ZBTB44: variants seen among roughly 807,000 people sequenced by gnomAD.
ZBTB44 encodes the protein zinc finger and BTB domain-containing protein 44.
ZBTB44 carries 15 observed loss-of-function variants against 54.0 expected under a neutral mutation model. The observed-to-expected ratio is 0.28, with a 90% CI of 0.19 to 0.43. ZBTB44 has a LOEUF of 0.43. Ranked by LOEUF, ZBTB44 falls within the 20% of genes least tolerant of loss-of-function variation. The probability of loss-of-function intolerance (pLI) is 1.00; values close to 1 mark genes in which losing one functional copy is unlikely to be tolerated. For missense variants in ZBTB44, 487 were observed against 707.1 expected, an observed-to-expected ratio of 0.69 and a Z score of 3.53; for synonymous variants, 230 against 250.1, an observed-to-expected ratio of 0.92 and a Z score of 0.76.
chr11:130,257,460 C>G (rs568399225), intron 2 of ZBTB44, among the ~76,000 whole-genome samples: 2 of 152,000 alleles, frequency 1.3e-5, no homozygotes, highest in Non-Finnish European at 2.9e-5. Context: ...TGAAGACGAA[C>G]GCATATACTA....
intron 1 of ZBTB44, among the ~76,000 whole-genome samples, chr11:130,293,797 AAAACAAAC>A (rs575941518): frequency 5.9e-5 from 9 of 152,204 alleles, no homozygotes; most frequent in African/African-American, 1.9e-4. Context: ...ATTCCATCTC[AAAACAAAC>A]AAACAAACAA....
At chr11:130,281,516 AAAATAAAT>A (rs58860118) in intron 1 of ZBTB44, among the ~76,000 whole-genome samples, 5,645 of 138,794 alleles carry the variant, frequency 0.041, 133 homozygotes, top group Middle Eastern at 0.062. Context: ...ACCCTGTCTC[AAAATAAAT>A]AAATAAATAA....
At chr11:130,245,170 C>G (rs1167415753) in intron 2 of ZBTB44, among the ~76,000 whole-genome samples, 1 of 152,140 alleles carries the variant, frequency 6.6e-6, no homozygotes, top group Non-Finnish European at 1.5e-5. Flanking sequence ...CCATTCCATC[C>G]CTTCTGGTGT....
At chr11:130,236,484 T>C (rs1954117389) in intron 5 of ZBTB44, 1 of 257,860 alleles carries the variant, frequency 3.9e-6, no homozygotes, top group Non-Finnish European at 7.1e-6. Flanking sequence ...CAGTAAGATC[T>C]ATTTAAGGTC....
chr11:130,312,013 C>A (rs1367187899), intron 1 of ZBTB44, among the ~76,000 whole-genome samples: 1 of 152,154 alleles, frequency 6.6e-6, no homozygotes, highest in Non-Finnish European at 1.5e-5. Context: ...GTATCATTCA[C>A]CCCTGCCCCA....
rs1938926373 is a variant in ZBTB44, at chr11:130,262,339, A to G, written c.-56-410T>C. On this transcript the variant is annotated intron_variant, in intron 1 of 7. Transcript: ENST00000357899. ...ATTTTTGTAGAGATGGGGTTTCACC[A>G]TGTTGGCCAGGCTGGTCTTGAACTC... 2.0e-5 allele frequency among the ~76,000 whole-genome samples: 3 copies of G among 152,062 alleles called. No homozygotes were observed. In the South Asian group the frequency reaches 6.2e-4, roughly 31 times the overall value.
chr11:130,255,732 C>T (rs768938969), intron 2 of ZBTB44, among the ~76,000 whole-genome samples: 19 of 152,056 alleles, frequency 1.2e-4, no homozygotes, highest in Non-Finnish European at 2.6e-4. Flanking sequence ...ATTGATCCCA[C>T]AGAAATACAA....
At position 130,296,186 on chromosome 11, in the gene ZBTB44, A is replaced by G. The variant is rs1941630753; in HGVS notation, c.-57+18189T>C. 2.3e-6 allele frequency: 3 copies of G among 1,332,100 alleles called. No homozygotes were observed. In the East Asian group the frequency reaches 6.9e-5, roughly 31 times the overall value. 82.5% of individuals were successfully genotyped at this position (1,332,100 alleles called of 1,614,324 possible). ...TTGAAGGTTGGCAAGGATTTCTCTG[A>G]AAAAAGGAGCCATTGTATGTTAGTG... On this transcript the variant is annotated intron_variant, in intron 1 of 7. Transcript: ENST00000357899.
At chr11:130,279,520 T>C (rs759685956) in intron 1 of ZBTB44, among the ~76,000 whole-genome samples, 128 of 152,036 alleles carry the variant, frequency 8.4e-4, no homozygotes, top group Non-Finnish European at 1.3e-3. Context: ...TTAGCTGGGC[T>C]TGGTGGCATG....
intron 1 of ZBTB44, among the ~76,000 whole-genome samples, chr11:130,297,990 G>A (rs182277455): frequency 3.3e-5 from 5 of 152,210 alleles, no homozygotes; most frequent in South Asian, 2.1e-4. Context: ...CAAACAGTAC[G>A]TACAAGAAAG....
chr11:130,270,326 T>A (rs752237475), intron 1 of ZBTB44, among the ~76,000 whole-genome samples: 11 of 152,346 alleles, frequency 7.2e-5, no homozygotes, highest in Non-Finnish European at 1.5e-4. Context: ...GAGAGGGGCA[T>A]ATAAGTTTAA....
intron 1 of ZBTB44, among the ~76,000 whole-genome samples, chr11:130,272,282 A>C (rs957213792): frequency 6.6e-6 from 1 of 152,126 alleles, no homozygotes; most frequent in Non-Finnish European, 1.5e-5. Flanking sequence ...CCTCACCAAC[A>C]CTTATGATTC....
intron 1 of ZBTB44, among the ~76,000 whole-genome samples, chr11:130,305,931 T>C (rs1466757395): frequency 6.6e-6 from 1 of 151,766 alleles, no homozygotes; most frequent in African/African-American, 2.4e-5. Context: ...CCACCAATCC[T>C]GTCAAAAAAT....
chr11:130,263,417 A>T (rs1939022432), intron 1 of ZBTB44, among the ~76,000 whole-genome samples: 4 of 152,346 alleles, frequency 2.6e-5, no homozygotes, highest in Admixed American at 2.6e-4. Context: ...ATTGCATCCC[A>T]GGAGACTAGC....
chr11:130,277,564 T>C (rs951025794), intron 1 of ZBTB44, among the ~76,000 whole-genome samples: 6 of 152,028 alleles, frequency 3.9e-5, no homozygotes, highest in African/African-American at 1.4e-4. Context: ...TACAGATTTA[T>C]TACATTTCTT....
intron 3 of ZBTB44, 64 bp downstream of exon 3, chr11:130,239,748 T>C (rs1347216177): frequency 3.8e-6 from 5 of 1,311,176 alleles, no homozygotes; most frequent in East Asian, 2.4e-5. Flanking sequence ...TGAGATGAAA[T>C]GCTTGAATTT....
At chr11:130,259,779 G>T (rs534862492) in intron 2 of ZBTB44, among the ~76,000 whole-genome samples, 1 of 143,362 alleles carries the variant, frequency 7.0e-6, no homozygotes, top group Non-Finnish European at 1.5e-5. Flanking sequence ...CAGGGAGGGG[G>T]ACATCACACA....
rs1002096296 is a variant in ZBTB44, at chr11:130,230,765, G to A, written c.*999C>T. ...AATATTAATCTCTTTATTTCTGAATGAGATGAAATCACTGACATGTTTGAT... is the reference window on the plus strand; with the variant it reads ...AATATTAATCTCTTTATTTCTGAATAAGATGAAATCACTGACATGTTTGAT... On this transcript the variant is annotated 3_prime_UTR_variant, in exon 8 of 8. Transcript: ENST00000357899. 3 of 152,004 alleles carry A rather than the reference G, an allele frequency of 2.0e-5. No homozygotes were observed. The East Asian group carries it at 5.8e-4, about 29-fold the overall frequency. The allele number at this position is 152,004 out of a possible 1,614,324, so 9.4% of individuals were successfully genotyped here. A position where few individuals can be genotyped will look rare whatever the true frequency, so the allele number is the denominator to read the frequency against.
intron 1 of ZBTB44, among the ~76,000 whole-genome samples, chr11:130,284,720 A>T (rs981945820): frequency 6.6e-6 from 1 of 152,162 alleles, no homozygotes; most frequent in African/African-American, 2.4e-5. Flanking sequence ...TACAAAATTT[A>T]GCCGACGTGG....
Sources: gnomAD v4.1 joint callset for allele counts (sites outside exome capture counted in the v4.1 genomes callset) on GRCh38, gnomAD v4.1.1 for gene constraint, MANE v1.5 for transcripts, NCBI Gene and HGNC (gene_info 2026-07-23, HGNC 2026-07-21) for gene names.